TOX: variants seen among roughly 807,000 people sequenced by gnomAD.
The protein encoded by TOX is thymocyte selection-associated high mobility group box protein TOX.
A neutral mutation model predicts 53.7 loss-of-function variants in TOX; 11 were observed. The ratio of observed to expected loss-of-function variants is 0.20; its 90% CI spans 0.13 to 0.34. The LOEUF is 0.34. TOX is among the 10% of genes least tolerant of loss of function. The pLI, the probability that TOX is intolerant of heterozygous loss-of-function variation, is 1.00. For missense variants in TOX, 570 were observed against 664.6 expected (o/e 0.86, Z 1.56); for synonymous variants, 225 against 245.3 (o/e 0.92, Z 0.77).
chr8:58,972,160 G>A (rs10156249), intron 1 of TOX, among the ~76,000 whole-genome samples: 5 of 152,058 alleles, frequency 3.3e-5, no homozygotes, highest in Admixed American at 1.3e-4. Context: ...ATACATAGAC[G>A]TGCATATTCT....
At chr8:58,812,344 CT>C (rs1810095148) in intron 7 of TOX, among the ~76,000 whole-genome samples, 1 of 152,150 alleles carries the variant, frequency 6.6e-6, no homozygotes, top group East Asian at 1.9e-4. Context: ...GACCTTGCCC[CT>C]ACCTCTCTCT....
At chr8:58,852,693 G>A (rs1159598500) in intron 3 of TOX, among the ~76,000 whole-genome samples, 1 of 152,120 alleles carries the variant, frequency 6.6e-6, no homozygotes, top group East Asian at 1.9e-4. Flanking sequence ...ATATTTCATG[G>A]TGCTTATTGG....
intron 4 of TOX, among the ~76,000 whole-genome samples, chr8:58,845,384 T>A (rs1285548935): frequency 6.6e-6 from 1 of 152,156 alleles, no homozygotes; most frequent in African/African-American, 2.4e-5. Context: ...TTGTGATGTT[T>A]CAGTGAGTGA....
chr8:58,940,313 A>G (rs1026907175), intron 2 of TOX, among the ~76,000 whole-genome samples: 1 of 152,120 alleles, frequency 6.6e-6, no homozygotes, highest in Non-Finnish European at 1.5e-5. Context: ...AGCCAGCAGT[A>G]AAATAAATAG....
At chr8:59,012,699 A>AT (rs1446575006) in intron 1 of TOX, among the ~76,000 whole-genome samples, 3 of 152,164 alleles carry the variant, frequency 2.0e-5, no homozygotes, top group Non-Finnish European at 4.4e-5. Context: ...AAAATAGCAC[A>AT]TTTTTTAGAA....
intron 1 of TOX, among the ~76,000 whole-genome samples, chr8:58,985,102 T>G (rs1813302032): frequency 6.7e-6 from 1 of 149,424 alleles, no homozygotes; most frequent in Non-Finnish European, 1.5e-5. Context: ...ATCTATATAA[T>G]ATACATATAT....
chr8:59,073,192 T>TC (rs1161213150), intron 1 of TOX, among the ~76,000 whole-genome samples: 5 of 152,116 alleles, frequency 3.3e-5, no homozygotes, highest in Non-Finnish European at 7.4e-5. Context: ...TAACACACAA[T>TC]ACTTATAACT....
intron 1 of TOX, among the ~76,000 whole-genome samples, chr8:58,976,086 T>C (rs995154179): frequency 6.8e-6 from 1 of 147,264 alleles, no homozygotes; most frequent in Non-Finnish European, 1.5e-5. Flanking sequence ...AAAAAAAAAA[T>C]GAAGTTTGCC....
At chr8:58,915,072 T>C (rs1585898552) in intron 3 of TOX, among the ~76,000 whole-genome samples, 2 of 146,960 alleles carry the variant, frequency 1.4e-5, no homozygotes, top group South Asian at 2.2e-4. Flanking sequence ...ATCTCGCTGA[T>C]TGCTAGCACA....
intron 1 of TOX, among the ~76,000 whole-genome samples, chr8:59,016,711 A>G (rs1814016925): frequency 6.6e-6 from 1 of 152,232 alleles, no homozygotes; most frequent in Non-Finnish European, 1.5e-5. Context: ...GTCACAAGGC[A>G]TGTATTATAT....
At chr8:58,903,816 A>G (rs758797184) in intron 3 of TOX, among the ~76,000 whole-genome samples, 1 of 152,204 alleles carries the variant, frequency 6.6e-6, no homozygotes, top group Non-Finnish European at 1.5e-5. Context: ...GAGATATTTA[A>G]TTAATGAATG....
At chr8:58,997,894 G>A (rs1358300423) in intron 1 of TOX, among the ~76,000 whole-genome samples, 1 of 151,958 alleles carries the variant, frequency 6.6e-6, no homozygotes, top group Non-Finnish European at 1.5e-5. Context: ...CTGGGTTCAC[G>A]CCATTCTCCT....
chr8:58,822,480 T>C (rs1810298318), intron 6 of TOX, among the ~76,000 whole-genome samples: 1 of 152,212 alleles, frequency 6.6e-6, no homozygotes, highest in Non-Finnish European at 1.5e-5. Context: ...CTGATATGCT[T>C]GTACAGCAGG....
chr8:58,811,487 C>G (rs1810074447), intron 7 of TOX, among the ~76,000 whole-genome samples: 1 of 152,228 alleles, frequency 6.6e-6, no homozygotes, highest in Non-Finnish European at 1.5e-5. Context: ...GCAGCACAAC[C>G]AAACAGTGAT....
intron 1 of TOX, among the ~76,000 whole-genome samples, chr8:59,017,107 C>T (rs1315710499): frequency 2.0e-5 from 3 of 152,222 alleles, no homozygotes; most frequent in African/African-American, 7.2e-5. Context: ...ATGCTGCCTC[C>T]ACCAGGCTGC....
chr8:58,938,754 G>C (rs17233005), intron 3 of TOX, among the ~76,000 whole-genome samples: 74,124 of 152,014 alleles, frequency 0.49, 18,335 homozygotes, highest in Admixed American at 0.53. Context: ...ATTATAAATT[G>C]TTAGACAACA....
At chr8:58,816,571 G>A (rs1047180066) in intron 6 of TOX, among the ~76,000 whole-genome samples, 3 of 152,164 alleles carry the variant, frequency 2.0e-5, no homozygotes, top group African/African-American at 7.2e-5. Flanking sequence ...CTGAGAGGAA[G>A]AGACTGATAA....
chr8:59,030,407 A>G (rs11990629), intron 1 of TOX, among the ~76,000 whole-genome samples: 2,500 of 152,298 alleles, frequency 0.016, 86 homozygotes, highest in African/African-American at 0.057. Context: ...TAAGTTGTAC[A>G]TTGCTAATGA....
chr8:58,932,853 C>T (rs1253708561), intron 3 of TOX, among the ~76,000 whole-genome samples: 1 of 152,084 alleles, frequency 6.6e-6, no homozygotes, highest in Non-Finnish European at 1.5e-5. Flanking sequence ...CCTTTGAATG[C>T]AAAGTGTACC....
Sources: gnomAD v4.1 joint callset for allele counts (sites outside exome capture counted in the v4.1 genomes callset) on GRCh38, gnomAD v4.1.1 for gene constraint, MANE v1.5 for transcripts, NCBI Gene and HGNC (gene_info 2026-07-23, HGNC 2026-07-21) for gene names.